NLRP13: variants seen among roughly 807,000 people sequenced by gnomAD.
NLRP13 encodes the protein NACHT, LRR and PYD domains-containing protein 13.
Under a neutral mutation model 94.4 loss-of-function variants are expected in NLRP13, and 82 were observed. That is an observed-to-expected ratio of 0.87 (90% CI 0.73 to 1.04). The LOEUF is 1.04. Ranked by LOEUF, NLRP13 falls within the 50% of genes least tolerant of loss-of-function variation. NLRP13 has a pLI of 0.00. For missense variants in NLRP13, 1,426 were observed against 1,230.8 expected (o/e 1.16, Z -2.37); for synonymous variants, 553 against 464.7 (o/e 1.19, Z -2.45).
At chr19:55,894,663 A>T (rs1284857666), downstream of NLRP13, among the ~76,000 whole-genome samples, 1 of 152,158 alleles carries the variant, frequency 6.6e-6, no homozygotes, top group East Asian at 1.9e-4. Flanking sequence ...CATTCATGAC[A>T]ACAGAGATTG....
intron 1 of NLRP13, among the ~76,000 whole-genome samples, chr19:55,925,264 C>A (rs1340772702): frequency 6.6e-6 from 1 of 152,170 alleles, no homozygotes; most frequent in Non-Finnish European, 1.5e-5. Context: ...TGGCTCCAGC[C>A]CTCCCCGCTG....
intron 4 of NLRP13, among the ~76,000 whole-genome samples, chr19:55,923,332 G>C (rs935536647): frequency 1.3e-5 from 2 of 152,202 alleles, no homozygotes; most frequent in African/African-American, 4.8e-5. Flanking sequence ...GGAAGGCTGG[G>C]GGAGAGGGGG....
chr19:55,919,841 C>T (rs1311271500), intron 4 of NLRP13, among the ~76,000 whole-genome samples: 3 of 152,072 alleles, frequency 2.0e-5, no homozygotes, highest in Non-Finnish European at 4.4e-5. Context: ...TCCTAAAATT[C>T]ATATGGAACC....
downstream of NLRP13, among the ~76,000 whole-genome samples, chr19:55,895,265 C>G (rs1045371371): frequency 2.6e-5 from 4 of 151,716 alleles, no homozygotes; most frequent in Non-Finnish European, 5.9e-5. Flanking sequence ...ACCTGTAGTC[C>G]CAGCTACTGG....
At position 55,911,974 on chromosome 19, in the gene NLRP13, C is replaced by T; in HGVS notation, c.1843G>A (p.Glu615Lys). Residue 615 changes from glutamate (E) to lysine (K), a missense_variant, in exon 5 of 11, where the codon GAA becomes AAA. By Grantham distance (56) the Glu-to-Lys change is moderately conservative. Coordinates refer to ENST00000342929, the MANE Select transcript of NLRP13 (RefSeq NM_176810.2). ...HCKISPRVME[E>K]LLKWGEELGK... is the part of the protein sequence containing the mutation. Reference sequence around the variant, plus strand: ...AACTCTTCTCCCCACTTTAATAATTCCTCCATTACCCTGGGAGATATTTTA... The same window carrying T: ...AACTCTTCTCCCCACTTTAATAATTTCTCCATTACCCTGGGAGATATTTTA... 1 of 1,614,184 alleles carries T rather than the reference C, an allele frequency of 6.2e-7. No individual in the cohort carries two copies. Among genetic ancestry groups the T allele is most frequent in the Non-Finnish European group, 8.5e-7 (1 of 1,180,028 alleles).
chr19:55,894,043 CT>C (rs36039690), downstream of NLRP13, among the ~76,000 whole-genome samples: 2,726 of 112,812 alleles, frequency 0.024, 66 homozygotes, highest in African/African-American at 0.088. Flanking sequence ...CATGCCCCAA[CT>C]TTTTTTTTTT....
Position 55,930,901 on chromosome 19 carries a change from A to ATTT in NLRP13, c.319+1089_319+1091dup, listed in dbSNP as rs55976723. Among the ~76,000 whole-genome samples the ATTT allele has an allele frequency of 2.1e-3, 205 of 98,290 alleles. 5 individuals are homozygous for ATTT. Among genetic ancestry groups the ATTT allele is most frequent in the Admixed American group, 5.4e-3 (57 of 10,554 alleles). The allele number at this position is 98,290 out of a possible 152,430, so 64.5% of individuals were successfully genotyped here. A position where few individuals can be genotyped will look rare whatever the true frequency, so the allele number is the denominator to read the frequency against. Reference sequence around the variant, plus strand: ...ATATATATATATATATATATATAAAATTTTAACCAGAAGCTTAAACAGCAT... The same window carrying ATTT: ...ATATATATATATATATATATATAAAATTTTTTTAACCAGAAGCTTAAACAGCAT... On this transcript the variant is annotated intron_variant, in intron 1 of 10. Transcript: ENST00000342929.
At chr19:55,928,539 A>T (rs774728226) in intron 1 of NLRP13, among the ~76,000 whole-genome samples, 2 of 152,186 alleles carry the variant, frequency 1.3e-5, no homozygotes, top group Non-Finnish European at 2.9e-5. Flanking sequence ...GTACCCCATA[A>T]ATATAGACAC....
rs756697248 is a variant in NLRP13, at chr19:55,913,271, C to G, written c.546G>C (p.Glu182Asp). Residue 182 changes from glutamate (E) to aspartate (D), a missense_variant, in exon 5 of 11, where the codon GAG becomes GAC. By Grantham distance (45) the Glu-to-Asp change is conservative. Coordinates refer to ENST00000342929, the MANE Select transcript of NLRP13 (RefSeq NM_176810.2). ...TCTCCAGTAGTTCAGCCTTCATGTT[C>G]TCTCTGTATTTTCTTCTGTGGTCTA... is the stretch of plus-strand genomic sequence containing the variant. ...EEADHRRKYRENMKAELLETW... is the reference protein window; with the variant it reads ...EEADHRRKYRDNMKAELLETW... 1.2e-6 allele frequency: 2 copies of G among 1,613,866 alleles called. No individual in the cohort carries two copies. Among genetic ancestry groups the G allele is most frequent in the African/African-American group, 2.7e-5 (2 of 74,886 alleles).
At chr19:55,901,954 C>A in intron 9 of NLRP13, 81 bp downstream of exon 9, 1 of 1,444,274 alleles carries the variant, frequency 6.9e-7, no homozygotes, top group South Asian at 1.3e-5. Context: ...ATTCAAACCC[C>A]ATCAGGAACT....
intron 8 of NLRP13, among the ~76,000 whole-genome samples, chr19:55,902,819 A>G (rs751208404): frequency 3.4e-4 from 51 of 149,854 alleles, no homozygotes; most frequent in Non-Finnish European, 6.7e-4. Flanking sequence ...TAATATATTA[A>G]ATATTAACTA....
At chr19:55,910,477 C>T in intron 6 of NLRP13, 86 bp downstream of exon 6, 1 of 1,314,926 alleles carries the variant, frequency 7.6e-7, no homozygotes. Context: ...TGCCTTCTGG[C>T]AAATAGTCAA....
At chr19:55,900,343 T>C (rs1300274399) in intron 9 of NLRP13, among the ~76,000 whole-genome samples, 1 of 152,192 alleles carries the variant, frequency 6.6e-6, no homozygotes, top group Non-Finnish European at 1.5e-5. Flanking sequence ...TTCATTCTTA[T>C]AAATGCAGAT....
In NLRP13 at chr19:55,898,840, C is replaced by G. The variant is rs267605701; in HGVS notation, c.2887G>C (p.Asp963His). Reference sequence around the variant, plus strand: ...AGCTTCACTCCATCATCCTGAAGATCATTTTCTCCCAAATCCAAGATTTTC... The same window carrying G: ...AGCTTCACTCCATCATCCTGAAGATGATTTTCTCCCAAATCCAAGATTTTC... Reference protein sequence around the residue: ...NVKILDLGENDLQDDGVKLLC... With the variant: ...NVKILDLGENHLQDDGVKLLC... The change falls in exon 10 of 11, where the codon GAT (aspartate) becomes CAT (histidine). Residue 963 changes from aspartate to histidine, a missense_variant. By Grantham distance (81) the Asp-to-His change is moderately conservative. Coordinates refer to ENST00000342929, the MANE Select transcript of NLRP13 (RefSeq NM_176810.2). 35 of 1,613,964 alleles carry G rather than the reference C, an allele frequency of 2.2e-5. No homozygotes were observed. The highest frequency in any genetic ancestry group is 3.0e-5 in the Non-Finnish European group (35 of 1,179,992).
In NLRP13 at chr19:55,924,853, AT is replaced by A. The variant is rs376083784; in HGVS notation, c.388+113del. On this transcript the variant is annotated intron_variant, in intron 2 of 10. Transcript: ENST00000342929. ...GAAAGAATTAGTTGGAAAGTTTTTA[AT>A]TTTTTATGCACTATAAATTCAAGAA... 50 of 991,054 alleles carry A rather than the reference AT, an allele frequency of 5.0e-5. No homozygotes were observed. The African/African-American group carries it at 6.7e-4, about 13-fold the overall frequency. The allele number at this position is 991,054 out of a possible 1,614,324, so 61.4% of individuals were successfully genotyped here.
At chr19:55,916,554 G>A (rs184358045) in intron 4 of NLRP13, among the ~76,000 whole-genome samples, 18 of 152,202 alleles carry the variant, frequency 1.2e-4, no homozygotes, top group Admixed American at 9.8e-4. Context: ...TTCTGCAAGT[G>A]AAAAATTCAT....
chr19:55,896,217 G>A (rs905689712), intron 10 of NLRP13, 98 bp from the exon 11 acceptor site: 42 of 1,359,912 alleles, frequency 3.1e-5, no homozygotes, highest in Non-Finnish European at 4.0e-5. Flanking sequence ...TATTACTAAA[G>A]CAGACTGCTT....
intron 6 of NLRP13, among the ~76,000 whole-genome samples, chr19:55,908,713 G>T (rs1420749046): frequency 6.6e-6 from 1 of 152,194 alleles, no homozygotes; most frequent in Admixed American, 6.5e-5. Flanking sequence ...ATAAGTGGGA[G>T]CTAAATGATG....
rs1431421380 is a variant in NLRP13, at chr19:55,907,396, AC to A, written c.2447+395del. ...AGACCAGCCTGGGAAACATGGCAAA[AC>A]CCCATTTCTACAAAAAGTACAAAAA... is the stretch of plus-strand genomic sequence containing the variant. On this transcript the variant is annotated intron_variant, in intron 7 of 10. Coordinates refer to ENST00000342929, the MANE Select transcript of NLRP13 (RefSeq NM_176810.2). Among the ~76,000 whole-genome samples the A allele has an allele frequency of 2.0e-5, 3 of 152,034 alleles. No individual in the cohort carries two copies. In the East Asian group the frequency reaches 5.8e-4, roughly 30 times the overall value.
Sources: gnomAD v4.1 joint callset for allele counts (sites outside exome capture counted in the v4.1 genomes callset) on GRCh38, gnomAD v4.1.1 for gene constraint, MANE v1.5 for transcripts, NCBI Gene and HGNC (gene_info 2026-07-23, HGNC 2026-07-21) for gene names.